The following MARF1 variants were observed in gnomAD, a reference collection of about 807,000 sequenced individuals.
The protein encoded by MARF1 is meiosis regulator and mRNA stability factor 1.
A neutral mutation model predicts 168.2 loss-of-function variants in MARF1; 24 were observed. The observed-to-expected ratio is 0.14, with a 90% CI of 0.10 to 0.20. The LOEUF (loss-of-function observed/expected upper bound fraction) is 0.20. MARF1 is among the 10% of genes least tolerant of loss of function. The probability of loss-of-function intolerance (pLI) is 1.00; values close to 1 mark genes in which losing one functional copy is unlikely to be tolerated. For missense variants in MARF1, 1,744 were observed against 2,143.6 expected (o/e 0.81, Z 3.68); for synonymous variants, 868 against 822.4 (o/e 1.06, Z -0.95).
intron 21 of MARF1, among the ~76,000 whole-genome samples, chr16:15,608,022 G>A (rs2033164069): frequency 6.6e-6 from 1 of 152,180 alleles, no homozygotes; most frequent in Non-Finnish European, 1.5e-5. Context: ...GGGGTGAAGA[G>A]TGACCTCATC....
chr16:15,628,339 A>G (rs1380275277), intron 7 of MARF1, among the ~76,000 whole-genome samples: 2 of 152,014 alleles, frequency 1.3e-5, no homozygotes, highest in Non-Finnish European at 2.9e-5. Context: ...TGGGGTTTTC[A>G]CTTTCCACAT....
At chr16:15,613,463 C>T (rs1394697277) in intron 16 of MARF1, among the ~76,000 whole-genome samples, 1 of 151,750 alleles carries the variant, frequency 6.6e-6, no homozygotes. Flanking sequence ...TCCTGGCTAA[C>T]AAGGTGAAAC....
rs900195230 is a variant in MARF1 at position 15,595,801 on chromosome 16, C to T, written c.*892G>A. 3 of 152,210 alleles carry T rather than the reference C, an allele frequency of 2.0e-5. No individual in the cohort carries two copies. Among genetic ancestry groups the T allele is most frequent in the African/African-American group, 4.8e-5 (2 of 41,442 alleles). 9.4% of individuals were successfully genotyped at this position (152,210 alleles called of 1,614,324 possible). ...TCCCGCTGCTGCTGAAGCACCTCCCCACTCAGCTCTGATTTGTAATTTATG... is the reference window on the plus strand; with the variant it reads ...TCCCGCTGCTGCTGAAGCACCTCCCTACTCAGCTCTGATTTGTAATTTATG... On this transcript the variant is annotated 3_prime_UTR_variant, in exon 27 of 27. Transcript: ENST00000396368.
At position 15,635,827 on chromosome 16, in the gene MARF1, G is replaced by A. The variant is rs777312497; in HGVS notation, c.660C>T (p.Ser220=). 2.5e-5 allele frequency: 41 copies of A among 1,614,096 alleles called. No individual in the cohort carries two copies. Among genetic ancestry groups the A allele is most frequent in the South Asian group, 4.4e-5 (4 of 91,094 alleles). The change falls in exon 3 of 27, where the codon TCC becomes TCT. Residue 220 remains serine, a synonymous_variant. Transcript: ENST00000396368. The stretch of plus-strand genomic sequence containing the variant: ...AATCAGAACAGGGGAAATAGCCAGC[G>A]GAGGTGCAGCCCTGCAGACTCGGAA... ...HQFPSLQGCT[S]AGYFPCSDFT...
chr16:15,611,184 C>T (rs2033503930), intron 18 of MARF1, 76 bp from the exon 19 acceptor site: 19 of 1,450,518 alleles, frequency 1.3e-5, no homozygotes, highest in East Asian at 1.2e-4. Flanking sequence ...TCCGGCCGGG[C>T]GCTGGGGCTC....
intron 13 of MARF1, among the ~76,000 whole-genome samples, chr16:15,617,960 C>G (rs1228496112): frequency 1.3e-5 from 2 of 152,196 alleles, no homozygotes; most frequent in African/African-American, 4.8e-5. Flanking sequence ...GATCCACACA[C>G]CCTCTGACAC....
rs2033353365 is a variant in MARF1, at chr16:15,609,749, A to G, written c.3752-24T>C. The G allele has an allele frequency of 1.9e-6, 3 of 1,599,748 alleles. No homozygotes were observed. The South Asian group carries it at 3.3e-5, about 18-fold the overall frequency. ...TTCTTTTAAAAAAACCAAAAAACAT[A>G]AAATCACAGTTTTTTTCTACCCATT... On this transcript the variant is annotated intron_variant, in intron 19 of 26. Coordinates refer to ENST00000396368, the MANE Select transcript of MARF1 (RefSeq NM_014647.4).
rs190872760 is a variant in MARF1 at position 15,604,531 on chromosome 16, A to G, written c.4183-133T>C. On this transcript the variant is annotated intron_variant, in intron 21 of 26. Coordinates refer to ENST00000396368, the MANE Select transcript of MARF1 (RefSeq NM_014647.4). ...CTCTAATTTTTTTCTCTTACACTGA[A>G]ATAAAGCAAGTGGGTTTGTTTTTAG... The G allele has an allele frequency of 9.1e-4, 584 of 639,694 alleles. 1 individual carries two copies. The highest frequency in any genetic ancestry group is 6.1e-3 in the Middle Eastern group (16 of 2,616). 39.6% of individuals were successfully genotyped at this position (639,694 alleles called of 1,614,324 possible).
chr16:15,601,001 A>G (rs1328703905), intron 23 of MARF1: 2 of 639,510 alleles, frequency 3.1e-6, no homozygotes, highest in Admixed American at 2.1e-5. Context: ...AAATTAAGGT[A>G]GTTCTCACAT....
At chr16:15,628,488 C>A (rs2035028073) in intron 7 of MARF1, among the ~76,000 whole-genome samples, 1 of 152,026 alleles carries the variant, frequency 6.6e-6, no homozygotes, top group Non-Finnish European at 1.5e-5. Context: ...CGGCTTACTG[C>A]AACCTCCACT....
intron 4 of MARF1, 152 bp downstream of exon 4, chr16:15,634,605 A>T: frequency 1.5e-6 from 1 of 684,454 alleles, no homozygotes; most frequent in South Asian, 3.4e-5. Context: ...CATAATAATA[A>T]AAAGATTTCT....
chr16:15,604,401 G>A lies in MARF1; in HGVS notation c.4183-3C>T. The A allele has an allele frequency of 6.2e-7, 1 of 1,606,038 alleles. No homozygotes were observed. Among genetic ancestry groups the A allele is most frequent in the Non-Finnish European group, 8.5e-7 (1 of 1,172,622 alleles). On this transcript the variant is annotated splice_region_variant and splice_polypyrimidine_tract_variant and intron_variant, in intron 21 of 26. Coordinates refer to ENST00000396368, the MANE Select transcript of MARF1 (RefSeq NM_014647.4). ...CTGCCAGATTCTATATCGGCAACCT[G>A]GGGAAAACGAGAATTCACACTTTTC...
intron 13 of MARF1, among the ~76,000 whole-genome samples, chr16:15,620,193 CA>C (rs1050327142): frequency 2.0e-5 from 3 of 151,564 alleles, no homozygotes; most frequent in South Asian, 2.1e-4. Flanking sequence ...AACAAACAAA[CA>C]AAAAAAACAA....
intron 21 of MARF1, among the ~76,000 whole-genome samples, 191 bp downstream of exon 21, chr16:15,608,100 C>T (rs552161748): frequency 6.6e-6 from 1 of 152,238 alleles, no homozygotes; most frequent in South Asian, 2.1e-4. Flanking sequence ...AAACTCTCAA[C>T]TTCCAAACCA....
intron 3 of MARF1, chr16:15,635,399 T>A: frequency 2.0e-6 from 1 of 500,928 alleles, no homozygotes; most frequent in East Asian, 3.1e-5. Flanking sequence ...CACGAAGGCT[T>A]TGCCAACCTC....
chr16:15,641,317 T>C (rs1454449717), intron 1 of MARF1, among the ~76,000 whole-genome samples: 1 of 152,204 alleles, frequency 6.6e-6, no homozygotes, highest in African/African-American at 2.4e-5. Flanking sequence ...TGGAGATGGA[T>C]TTAACTGCTA....
chr16:15,605,763 G>A (rs986393863), intron 21 of MARF1: 1 of 152,100 alleles, frequency 6.6e-6, no homozygotes, highest in Non-Finnish European at 1.5e-5. Flanking sequence ...AGACCCAGTG[G>A]GCAGCCAGGG....
In MARF1 at chr16:15,601,969, G is replaced by A. The variant is rs146655030; in HGVS notation, c.4626+22C>T. 174 of 1,603,720 alleles carry A rather than the reference G, an allele frequency of 1.1e-4. No homozygotes were observed. The East Asian group carries it at 3.3e-3, about 30-fold the overall frequency. On this transcript the variant is annotated intron_variant, in intron 23 of 26. Coordinates refer to ENST00000396368, the MANE Select transcript of MARF1 (RefSeq NM_014647.4). ...GTGGCTGTTCAGAAGATGCTCTCCC[G>A]GAAGCTGAGAAAAATGCCCACCTGT... is the stretch of plus-strand genomic sequence containing the variant.
intron 22 of MARF1, chr16:15,602,422 AAGACAAAGACGACG>A: frequency 4.9e-6 from 3 of 613,446 alleles, no homozygotes; most frequent in Non-Finnish European, 8.6e-6. Context: ...AAAGAAGATG[AAGACAAAGACGACG>A]AGACAAAAAC....
Sources: allele counts gnomAD v4.1 joint callset (sites outside exome capture counted in the v4.1 genomes callset), GRCh38; gene constraint gnomAD v4.1.1; transcripts MANE v1.5; gene names NCBI Gene and HGNC (gene_info 2026-07-23, HGNC 2026-07-21).